The following MTDH variants were observed in gnomAD, a reference collection of about 807,000 sequenced individuals.
The protein encoded by MTDH is metadherin.
A neutral mutation model predicts 72.7 loss-of-function variants in MTDH; 34 were observed. The ratio of observed to expected loss-of-function variants is 0.47; its 90% CI spans 0.36 to 0.62. MTDH has a LOEUF of 0.62. MTDH is among the 20% of genes least tolerant of loss of function. The pLI, the probability that MTDH is intolerant of heterozygous loss-of-function variation, is 0.00. For synonymous variants in MTDH, 266 were observed against 268.9 expected, an observed-to-expected ratio of 0.99 and a Z score of 0.10; for missense variants, 677 against 699.4, an observed-to-expected ratio of 0.97 and a Z score of 0.36.
intron 1 of MTDH, among the ~76,000 whole-genome samples, chr8:97,656,128 T>G (rs1167686186): frequency 7.9e-5 from 12 of 152,046 alleles, no homozygotes; most frequent in Admixed American, 7.9e-4. Context: ...CTTTACATGT[T>G]GTGGCTAGAA....
chr8:97,690,918 C>G (rs944253705), intron 5 of MTDH, 34 bp from the exon 6 acceptor site: 2 of 1,465,032 alleles, frequency 1.4e-6, no homozygotes, highest in African/African-American at 2.8e-5. Context: ...AAGTCATGTA[C>G]CTGTTTTTTA....
intron 1 of MTDH, among the ~76,000 whole-genome samples, chr8:97,646,454 C>A (rs1811566615): frequency 6.6e-6 from 1 of 151,492 alleles, no homozygotes; most frequent in Non-Finnish European, 1.5e-5. Context: ...GAGAACCTTG[C>A]TCCAAGGTAA....
At chr8:97,664,482 T>G (rs1243866523) in intron 2 of MTDH, among the ~76,000 whole-genome samples, 1 of 152,230 alleles carries the variant, frequency 6.6e-6, no homozygotes, top group Non-Finnish European at 1.5e-5. Context: ...AGTACAAAGT[T>G]TCTACCTTTG....
chr8:97,669,629 T>C (rs1382667499), intron 2 of MTDH, among the ~76,000 whole-genome samples: 1 of 151,886 alleles, frequency 6.6e-6, no homozygotes, highest in Non-Finnish European at 1.5e-5. Flanking sequence ...CTTAAAATAC[T>C]ACTCCCGCCA....
chr8:97,686,870 C>T, intron 3 of MTDH, 118 bp downstream of exon 3: 1 of 543,948 alleles, frequency 1.8e-6, no homozygotes, highest in Non-Finnish European at 3.1e-6. Flanking sequence ...TTTTTTATTA[C>T]TGTAGACCTT....
chr8:97,724,282 G>A (rs896938532), intron 11 of MTDH, among the ~76,000 whole-genome samples: 1 of 151,966 alleles, frequency 6.6e-6, no homozygotes, highest in Non-Finnish European at 1.5e-5. Context: ...ACTCTCTTCA[G>A]CTACCTTTAG....
intron 1 of MTDH, among the ~76,000 whole-genome samples, chr8:97,651,963 C>G (rs1482947360): frequency 1.3e-5 from 2 of 152,112 alleles, no homozygotes; most frequent in African/African-American, 2.4e-5. Context: ...CTTTTTCTCA[C>G]CTCTTCATAT....
intron 2 of MTDH, among the ~76,000 whole-genome samples, chr8:97,678,443 T>A (rs528552031): frequency 6.6e-6 from 1 of 152,170 alleles, no homozygotes; most frequent in Non-Finnish European, 1.5e-5. Flanking sequence ...GATAATCATC[T>A]TTTATGATGC....
At chr8:97,668,961 C>T (rs1812498088) in intron 2 of MTDH, among the ~76,000 whole-genome samples, 1 of 152,110 alleles carries the variant, frequency 6.6e-6, no homozygotes, top group South Asian at 2.1e-4. Flanking sequence ...GAAAACACTC[C>T]CCAATCTGAA....
chr8:97,673,922 C>T, intron 2 of MTDH, among the ~76,000 whole-genome samples: 1 of 152,218 alleles, frequency 6.6e-6, no homozygotes, highest in East Asian at 1.9e-4. Context: ...TTGCAGTGAA[C>T]CAAGATCGTA....
intron 8 of MTDH, among the ~76,000 whole-genome samples, chr8:97,711,337 TAAAAAAAAA>T (rs540690196): frequency 1.5e-5 from 2 of 130,046 alleles, no homozygotes; most frequent in African/African-American, 5.8e-5. Flanking sequence ...TATCTCTAAT[TAAAAAAAAA>T]AAAAAAAGAA....
At chr8:97,681,406 G>GT in intron 2 of MTDH, among the ~76,000 whole-genome samples, 1 of 151,414 alleles carries the variant, frequency 6.6e-6, no homozygotes, top group East Asian at 1.9e-4. Flanking sequence ...TATCTGCAGC[G>GT]GTTTTTTTTT....
rs550432304 is a variant in MTDH, at chr8:97,644,944, C to T, written c.381+57C>T. ...GGCGAAGGGCGGGCGTGGAGACCCT[C>T]GAGCTTGGGGGAGGCCGCGCCCCAG... On this transcript the variant is annotated intron_variant, in intron 1 of 11. Transcript: ENST00000336273. The T allele has an allele frequency of 2.1e-3, 3,134 of 1,472,536 alleles. 6 individuals are homozygous for T. The highest frequency in any genetic ancestry group is 2.6e-3 in the Non-Finnish European group (2,901 of 1,118,260). The allele number at this position is 1,472,536 out of a possible 1,614,324, so 91.2% of individuals were successfully genotyped here.
chr8:97,678,594 CT>C (rs35895126), intron 2 of MTDH, among the ~76,000 whole-genome samples: 6,078 of 85,250 alleles, frequency 0.071, 106 homozygotes, highest in East Asian at 0.2. Context: ...TTCCTTCCTT[CT>C]TTTTTTTTTT....
chr8:97,685,668 G>A (rs1258684017), intron 2 of MTDH, among the ~76,000 whole-genome samples: 1 of 151,804 alleles, frequency 6.6e-6, no homozygotes, highest in Non-Finnish European at 1.5e-5. Flanking sequence ...GCTGAGGCAG[G>A]AGAATTGCTT....
chr8:97,644,225 C>T lies in MTDH; in HGVS notation c.-282C>T. On this transcript the variant is annotated 5_prime_UTR_variant, in exon 1 of 12. Transcript: ENST00000336273. Reference sequence around the variant, plus strand: ...GCCGAGGGAGGACAGCGGGGCCTGGCGCTGGCGCCGAGACGCCGCTTAGCG... The same window carrying T: ...GCCGAGGGAGGACAGCGGGGCCTGGTGCTGGCGCCGAGACGCCGCTTAGCG... 3 of 469,414 alleles carry T rather than the reference C, an allele frequency of 6.4e-6. No individual in the cohort carries two copies. The highest frequency in any genetic ancestry group is 4.6e-5 in the Admixed American group (1 of 21,682). The allele number at this position is 469,414 out of a possible 1,614,324, so 29.1% of individuals were successfully genotyped here.
At chr8:97,647,937 C>CT (rs1252506650) in intron 1 of MTDH, among the ~76,000 whole-genome samples, 2 of 149,638 alleles carry the variant, frequency 1.3e-5, no homozygotes, top group Admixed American at 1.3e-4. Context: ...CAGCAAGACT[C>CT]TGTCTCCTAA....
intron 1 of MTDH, among the ~76,000 whole-genome samples, chr8:97,649,787 G>C (rs1025850356): frequency 1.3e-5 from 2 of 151,982 alleles, no homozygotes; most frequent in Non-Finnish European, 2.9e-5. Context: ...ACTTTTTGTA[G>C]AGATGGAGTT....
intron 2 of MTDH, among the ~76,000 whole-genome samples, chr8:97,677,975 T>A (rs1812924392): frequency 6.6e-6 from 1 of 152,170 alleles, no homozygotes; most frequent in South Asian, 2.1e-4. Context: ...TTACAGCCAA[T>A]CAAAATGCAT....
Sources: gnomAD v4.1 joint callset for allele counts (sites outside exome capture counted in the v4.1 genomes callset) on GRCh38, gnomAD v4.1.1 for gene constraint, MANE v1.5 for transcripts, NCBI Gene and HGNC (gene_info 2026-07-23, HGNC 2026-07-21) for gene names.